Variants in EPM2A observed in about 807,000 individuals in gnomAD.
EPM2A encodes laforin.
In EPM2A, 21 loss-of-function variants were observed where a neutral mutation model predicts 26.5. That is an observed-to-expected ratio of 0.79 (90% CI 0.56 to 1.14). EPM2A has a LOEUF of 1.14. Ranked by LOEUF, EPM2A falls within the 50% of genes most tolerant of loss-of-function variation. The probability of loss-of-function intolerance (pLI) is 0.00; values close to 1 mark genes in which losing one functional copy is unlikely to be tolerated. For missense variants in EPM2A, 458 were observed against 440.8 expected (o/e 1.04, Z -0.35); for synonymous variants, 217 against 177.6 (o/e 1.22, Z -1.76).
At chr6:145,474,449 G>C (rs370999465) in intron 4 of EPM2A, among the ~76,000 whole-genome samples, 1 of 152,078 alleles carries the variant, frequency 6.6e-6, no homozygotes, top group Non-Finnish European at 1.5e-5. Context: ...GTGACAGAGA[G>C]AGACTCCATC....
intron 2 of EPM2A, among the ~76,000 whole-genome samples, chr6:145,563,153 C>A (rs544717887): frequency 2.7e-3 from 405 of 151,530 alleles, no homozygotes; most frequent in Non-Finnish European, 4.8e-3. Flanking sequence ...GCAAGGGTCC[C>A]CAGGTGTGGT....
At chr6:145,476,555 C>T (rs1055965867) in intron 4 of EPM2A, among the ~76,000 whole-genome samples, 20 of 151,976 alleles carry the variant, frequency 1.3e-4, no homozygotes, top group African/African-American at 4.3e-4. Flanking sequence ...TGTTAGATCA[C>T]AAAACAAGTC....
chr6:145,659,447 A>C (rs1423921916), intron 2 of EPM2A, among the ~76,000 whole-genome samples: 1 of 152,032 alleles, frequency 6.6e-6, no homozygotes, highest in Non-Finnish European at 1.5e-5. Context: ...GAAAATCAGA[A>C]TATGAGGTAA....
At chr6:145,431,821 T>A (rs6570682) in intron 4 of EPM2A, among the ~76,000 whole-genome samples, 20,830 of 152,156 alleles carry the variant, frequency 0.14, 2,414 homozygotes, top group African/African-American at 0.31. Flanking sequence ...GTTTTTTGAC[T>A]TAATAGCATT....
At chr6:145,541,340 G>GTA (rs1243564808) in intron 2 of EPM2A, among the ~76,000 whole-genome samples, 1 of 135,478 alleles carries the variant, frequency 7.4e-6, no homozygotes, top group Non-Finnish European at 1.7e-5. Context: ...ATATATATGT[G>GTA]TGTGTGTATA....
At chr6:145,693,894 G>A (rs1781422372) in intron 1 of EPM2A, among the ~76,000 whole-genome samples, 1 of 151,934 alleles carries the variant, frequency 6.6e-6, no homozygotes, top group African/African-American at 2.4e-5. Flanking sequence ...GTGAGTAAAT[G>A]TGTAGGAGTA....
Position 145,714,973 on chromosome 6 carries a change from C to T in EPM2A, c.301+20225G>A, listed in dbSNP as rs536302224. 4.6e-5 allele frequency among the ~76,000 whole-genome samples: 7 copies of T among 152,146 alleles called. No individual in the cohort carries two copies. The South Asian group carries it at 6.2e-4, about 14-fold the overall frequency. Reference sequence around the variant, plus strand: ...GTCAGTGAGTGACTGTGGTAATAGTCGTGGTGATGGGTTATATCAAGGAAC... The same window carrying T: ...GTCAGTGAGTGACTGTGGTAATAGTTGTGGTGATGGGTTATATCAAGGAAC... On this transcript the variant is annotated intron_variant, in intron 1 of 3. Coordinates refer to ENST00000367519, the MANE Select transcript of EPM2A (RefSeq NM_005670.4).
intron 2 of EPM2A, among the ~76,000 whole-genome samples, chr6:145,680,362 CATTT>C (rs201867944): frequency 0.014 from 2,082 of 143,680 alleles, 33 homozygotes; most frequent in Non-Finnish European, 0.021. Context: ...GCGTAAGTTT[CATTT>C]ATTTATTTAT....
chr6:145,536,014 C>T (rs981228888), intron 2 of EPM2A, among the ~76,000 whole-genome samples: 1 of 152,202 alleles, frequency 6.6e-6, no homozygotes, highest in African/African-American at 2.4e-5. Context: ...CATAAAATTG[C>T]TAAAGTCAGT....
At chr6:145,510,888 C>T (rs1484387008) in intron 2 of EPM2A, among the ~76,000 whole-genome samples, 1 of 152,028 alleles carries the variant, frequency 6.6e-6, no homozygotes, top group Admixed American at 6.6e-5. Flanking sequence ...CAAATAAGCA[C>T]AACCAGAAAC....
chr6:145,717,666 G>A (rs528092227), intron 1 of EPM2A, among the ~76,000 whole-genome samples: 2 of 151,834 alleles, frequency 1.3e-5, no homozygotes, highest in South Asian at 2.1e-4. Flanking sequence ...TAGGAAAAGA[G>A]GAAGTCAAAT....
chr6:145,395,692 C>T (rs888225975), intron 4 of EPM2A, among the ~76,000 whole-genome samples: 1 of 152,156 alleles, frequency 6.6e-6, no homozygotes, highest in African/African-American at 2.4e-5. Context: ...CCGGCACCTT[C>T]TTTCCTTTAC....
intron 2 of EPM2A, among the ~76,000 whole-genome samples, chr6:145,511,434 G>T (rs986178769): frequency 6.6e-6 from 1 of 152,156 alleles, no homozygotes; most frequent in African/African-American, 2.4e-5. Context: ...TTCCTGGGGT[G>T]CAAGGATGAT....
chr6:145,466,137 T>C (rs1304687472), intron 4 of EPM2A, among the ~76,000 whole-genome samples: 2 of 149,372 alleles, frequency 1.3e-5, no homozygotes, highest in South Asian at 2.1e-4. Flanking sequence ...AATTGACAAA[T>C]GGGATCTAAT....
chr6:145,690,680 A>G (rs1016251924), intron 1 of EPM2A, among the ~76,000 whole-genome samples: 50 of 152,068 alleles, frequency 3.3e-4, no homozygotes, highest in African/African-American at 1.2e-3. Flanking sequence ...CAAGAGAACA[A>G]TGATGTTAGA....
intron 2 of EPM2A, among the ~76,000 whole-genome samples, chr6:145,511,947 A>G (rs749025630): frequency 1.1e-4 from 17 of 152,246 alleles, no homozygotes; most frequent in Admixed American, 6.5e-4. Context: ...TAAAATCAGT[A>G]GCATTTCTAT....
chr6:145,426,281 G>A (rs1408279093), intron 4 of EPM2A, among the ~76,000 whole-genome samples: 2 of 152,078 alleles, frequency 1.3e-5, no homozygotes, highest in African/African-American at 4.8e-5. Flanking sequence ...TGCTCCCTTT[G>A]CATGTATAAC....
At chr6:145,488,536 A>T (rs1239270933) in intron 4 of EPM2A, among the ~76,000 whole-genome samples, 1 of 150,804 alleles carries the variant, frequency 6.6e-6, no homozygotes, top group Admixed American at 6.6e-5. Context: ...AGAGAGAGAG[A>T]GAGAGAGAGA....
At chr6:145,683,103 T>C (rs969786982) in intron 2 of EPM2A, among the ~76,000 whole-genome samples, 5 of 152,190 alleles carry the variant, frequency 3.3e-5, no homozygotes, top group African/African-American at 4.8e-5. Flanking sequence ...GATTTTCATC[T>C]TACCCAGTTT....
Sources: gnomAD v4.1 joint callset for allele counts (sites outside exome capture counted in the v4.1 genomes callset) on GRCh38, gnomAD v4.1.1 for gene constraint, MANE v1.5 for transcripts, NCBI Gene and HGNC (gene_info 2026-07-23, HGNC 2026-07-21) for gene names.